The following SGPP2 variants were observed in gnomAD, a reference collection of about 807,000 sequenced individuals.
The protein encoded by SGPP2 is sphingosine-1-phosphate phosphatase 2.
SGPP2 carries 30 observed loss-of-function variants against 33.9 expected under a neutral mutation model. The observed-to-expected ratio is 0.89, with a 90% CI of 0.66 to 1.20. The LOEUF is 1.20. Ranked by LOEUF, SGPP2 falls within the 50% of genes most tolerant of loss-of-function variation. The probability of loss-of-function intolerance (pLI) is 0.00; values close to 1 mark genes in which losing one functional copy is unlikely to be tolerated. For synonymous variants in SGPP2, 233 were observed against 225.0 expected (o/e 1.04, Z -0.32); for missense variants, 458 against 532.1 (o/e 0.86, Z 1.37).
chr2:222,518,576 C>T (rs1401054387), intron 2 of SGPP2, among the ~76,000 whole-genome samples: 3 of 152,076 alleles, frequency 2.0e-5, no homozygotes, highest in South Asian at 2.1e-4. Flanking sequence ...TCCCAGTAGT[C>T]GGTAATACCT....
At chr2:222,425,659 T>A (rs2106050923) in intron 1 of SGPP2, among the ~76,000 whole-genome samples, 1 of 152,228 alleles carries the variant, frequency 6.6e-6, no homozygotes, top group East Asian at 1.9e-4. Context: ...TGGCAGCACC[T>A]GCCTTTTCCC....
intron 1 of SGPP2, among the ~76,000 whole-genome samples, chr2:222,457,745 G>T (rs1697593545): frequency 2.0e-5 from 3 of 152,216 alleles, no homozygotes; most frequent in Non-Finnish European, 4.4e-5. Context: ...CGCATGAACA[G>T]CCATCCTCAA....
intron 2 of SGPP2, among the ~76,000 whole-genome samples, chr2:222,499,486 A>C (rs2106116797): frequency 6.6e-6 from 1 of 152,342 alleles, no homozygotes; most frequent in Middle Eastern, 3.4e-3. Context: ...CTGGCTGTTT[A>C]GAAGGAGAGT....
chr2:222,483,572 G>C (rs1447471622), intron 2 of SGPP2, among the ~76,000 whole-genome samples: 1 of 152,174 alleles, frequency 6.6e-6, no homozygotes, highest in Non-Finnish European at 1.5e-5. Flanking sequence ...GTAGAGTTTA[G>C]GGTATTATTT....
chr2:222,521,881 A>T lies in SGPP2; in HGVS notation c.493A>T (p.Thr165Ser), dbSNP rs756383368. Residue 165 changes from threonine to serine, a missense_variant, in exon 3 of 5, where the codon ACC (threonine) becomes TCC (serine). Transcript: ENST00000321276. ...GATCGCTGAATATGGAATGCCATCC[A>T]CCCACGCCATGGCGGCCACTGCCAT... ...RLIAEYGMPS[T>S]HAMAATAIAF... is the part of the protein sequence containing the mutation. 4 of 1,609,216 alleles carry T rather than the reference A, an allele frequency of 2.5e-6. No homozygotes were observed. Among genetic ancestry groups the T allele is most frequent in the Non-Finnish European group, 3.4e-6 (4 of 1,178,152 alleles).
chr2:222,495,200 G>C (rs570301642), intron 2 of SGPP2, among the ~76,000 whole-genome samples: 4 of 152,154 alleles, frequency 2.6e-5, no homozygotes, highest in African/African-American at 9.6e-5. Flanking sequence ...GATTGCTTGA[G>C]GCCAGGAGTT....
intron 4 of SGPP2, among the ~76,000 whole-genome samples, chr2:222,538,531 A>G (rs1698947432): frequency 6.6e-6 from 1 of 152,202 alleles, no homozygotes; most frequent in South Asian, 2.1e-4. Flanking sequence ...TCTGATGAGG[A>G]AAAAAGGGAT....
At chr2:222,492,017 C>T (rs549378413) in intron 2 of SGPP2, among the ~76,000 whole-genome samples, 107 of 152,330 alleles carry the variant, frequency 7.0e-4, no homozygotes, top group African/African-American at 2.5e-3. Context: ...TCAAAATGAT[C>T]TCCTTTGACT....
At chr2:222,482,709 C>T (rs955638497) in intron 2 of SGPP2, among the ~76,000 whole-genome samples, 2 of 152,198 alleles carry the variant, frequency 1.3e-5, no homozygotes, top group African/African-American at 4.8e-5. Context: ...GACAGCCAGA[C>T]ACAGCCCCTG....
intron 1 of SGPP2, among the ~76,000 whole-genome samples, chr2:222,451,643 G>T (rs539937690): frequency 6.6e-6 from 1 of 152,192 alleles, no homozygotes; most frequent in Non-Finnish European, 1.5e-5. Context: ...CAGGCTCCCC[G>T]CAGCTTTGTG....
chr2:222,538,526 T>C (rs755880929), intron 4 of SGPP2, among the ~76,000 whole-genome samples: 5 of 152,180 alleles, frequency 3.3e-5, no homozygotes, highest in Non-Finnish European at 7.4e-5. Context: ...GATTCTCTGA[T>C]GAGGAAAAAA....
intron 1 of SGPP2, among the ~76,000 whole-genome samples, chr2:222,451,888 T>G (rs926257058): frequency 6.6e-6 from 1 of 152,220 alleles, no homozygotes; most frequent in African/African-American, 2.4e-5. Context: ...TTTTATTTAC[T>G]CAGCACTTTC....
rs200470004 is a variant in SGPP2, at chr2:222,489,570, C to CT, written c.378+14847dup. Reference sequence around the variant, plus strand: ...TTTAGAATGTATGTTAGAGACTGAGCTTTAAAAAAAAAAATCAAGTCTTCT... The same window carrying CT: ...TTTAGAATGTATGTTAGAGACTGAGCTTTTAAAAAAAAAAATCAAGTCTTCT... On this transcript the variant is annotated intron_variant, in intron 2 of 4. Coordinates refer to ENST00000321276, the MANE Select transcript of SGPP2 (RefSeq NM_152386.4). Among the ~76,000 whole-genome samples the CT allele has an allele frequency of 4.1e-5, 6 of 145,832 alleles. No individual in the cohort carries two copies. The South Asian group carries it at 6.9e-4, about 17-fold the overall frequency.
chr2:222,539,424 T>C (rs1188966013), intron 4 of SGPP2, among the ~76,000 whole-genome samples: 1 of 152,216 alleles, frequency 6.6e-6, no homozygotes, highest in Non-Finnish European at 1.5e-5. Context: ...ACAGGGAATG[T>C]GGTGCTTACA....
At position 222,446,793 on chromosome 2, in the gene SGPP2, C is replaced by T. The variant is rs372885540; in HGVS notation, c.219+21972C>T. On this transcript the variant is annotated intron_variant, in intron 1 of 4. Coordinates refer to ENST00000321276, the MANE Select transcript of SGPP2 (RefSeq NM_152386.4). ...ATCAAAGATGGATGCCTTCTTTGTC[C>T]GTCGTATCCAGTGATAACTCAACAT... 5.3e-5 allele frequency among the ~76,000 whole-genome samples: 8 copies of T among 152,202 alleles called. No individual in the cohort carries two copies. In the East Asian group the frequency reaches 5.8e-4, roughly 11 times the overall value.
intron 2 of SGPP2, among the ~76,000 whole-genome samples, chr2:222,520,941 G>A (rs1450123798): frequency 6.6e-6 from 1 of 151,948 alleles, no homozygotes; most frequent in Non-Finnish European, 1.5e-5. Context: ...AAAATTTTTT[G>A]TAGAGACAGG....
chr2:222,544,492 A>G lies in SGPP2; in HGVS notation c.649-13855A>G, dbSNP rs141016347. Reference sequence around the variant, plus strand: ...CAGATGTTCAATTCCCTTATATAAAATATCATAGTATTTGCATATAATCAA... The same window carrying G: ...CAGATGTTCAATTCCCTTATATAAAGTATCATAGTATTTGCATATAATCAA... On this transcript the variant is annotated intron_variant, in intron 4 of 4. Coordinates refer to ENST00000321276, the MANE Select transcript of SGPP2 (RefSeq NM_152386.4). 5.3e-5 allele frequency among the ~76,000 whole-genome samples: 8 copies of G among 152,310 alleles called. No individual in the cohort carries two copies. In the East Asian group the frequency reaches 1.5e-3, roughly 29 times the overall value.
At chr2:222,514,649 AGAG>A (rs527714894) in intron 2 of SGPP2, among the ~76,000 whole-genome samples, 101 of 152,340 alleles carry the variant, frequency 6.6e-4, no homozygotes, top group African/African-American at 2.3e-3. Flanking sequence ...CTCTCAACTC[AGAG>A]GATTACAGAT....
intron 2 of SGPP2, among the ~76,000 whole-genome samples, chr2:222,518,264 C>A (rs891146122): frequency 6.6e-6 from 1 of 152,188 alleles, no homozygotes; most frequent in South Asian, 2.1e-4. Context: ...CCTAATTCCA[C>A]AAAACATTCT....
Sources: allele counts gnomAD v4.1 joint callset (sites outside exome capture counted in the v4.1 genomes callset), GRCh38; gene constraint gnomAD v4.1.1; transcripts MANE v1.5; gene names NCBI Gene and HGNC (gene_info 2026-07-23, HGNC 2026-07-21).